RBFOX1: variants seen among roughly 807,000 people sequenced by gnomAD.
RBFOX1 encodes RNA binding protein fox-1 homolog 1.
A neutral mutation model predicts 57.7 loss-of-function variants in RBFOX1; 8 were observed. The ratio of observed to expected loss-of-function variants is 0.14; its 90% CI spans 0.08 to 0.25. RBFOX1 has a LOEUF of 0.25. RBFOX1 is among the 10% of genes least tolerant of loss of function. The probability of loss-of-function intolerance (pLI) is 1.00; values close to 1 mark genes in which losing one functional copy is unlikely to be tolerated. For missense variants in RBFOX1, 611 were observed against 548.5 expected, an observed-to-expected ratio of 1.11 and a Z score of -1.14; for synonymous variants, 326 against 222.4, an observed-to-expected ratio of 1.47 and a Z score of -4.15.
chr16:6,912,282 G>A (rs566233152), intron 3 of RBFOX1, among the ~76,000 whole-genome samples: 1 of 152,290 alleles, frequency 6.6e-6, no homozygotes, highest in African/African-American at 2.4e-5. Context: ...GAAGGTTGCT[G>A]TGCTCAGCCC....
intron 3 of RBFOX1, among the ~76,000 whole-genome samples, chr16:6,701,143 G>GTT (rs1236880855): frequency 1.3e-5 from 2 of 151,834 alleles, no homozygotes; most frequent in African/African-American, 2.4e-5. Flanking sequence ...GTATGTGTGT[G>GTT]TGTGTGTGTG....
intron 4 of RBFOX1, among the ~76,000 whole-genome samples, chr16:7,331,806 T>C (rs1361398182): frequency 6.6e-6 from 1 of 152,166 alleles, no homozygotes; most frequent in Non-Finnish European, 1.5e-5. Flanking sequence ...TATTAATTAA[T>C]ATATTAATTC....
chr16:5,837,511 A>G (rs1282056282), intron 3 of RBFOX1, among the ~76,000 whole-genome samples: 1 of 148,486 alleles, frequency 6.7e-6, no homozygotes, highest in Non-Finnish European at 1.5e-5. Context: ...AGACATTCCC[A>G]CTCCCAACCC....
chr16:7,218,362 A>G (rs1463405049), intron 4 of RBFOX1, among the ~76,000 whole-genome samples: 1 of 152,180 alleles, frequency 6.6e-6, no homozygotes, highest in Non-Finnish European at 1.5e-5. Flanking sequence ...CTTCTTCAGT[A>G]TGCTTCCTAT....
chr16:6,645,792 C>T (rs528410885), intron 2 of RBFOX1, among the ~76,000 whole-genome samples: 3 of 152,096 alleles, frequency 2.0e-5, no homozygotes, highest in Admixed American at 6.5e-5. Context: ...AAGACCCTGG[C>T]GTGTATTGGA....
At chr16:6,533,076 C>T (rs2096682222) in intron 2 of RBFOX1, among the ~76,000 whole-genome samples, 1 of 152,180 alleles carries the variant, frequency 6.6e-6, no homozygotes, top group South Asian at 2.1e-4. Context: ...GCACACTTGG[C>T]ATAGCCAGGA....
intron 3 of RBFOX1, among the ~76,000 whole-genome samples, chr16:6,856,142 C>G (rs527992205): frequency 1.3e-5 from 2 of 151,862 alleles, no homozygotes; most frequent in South Asian, 2.1e-4. Flanking sequence ...TTTACCTTCC[C>G]TTCCCTTTAC....
At chr16:6,494,858 A>C (rs2095721879) in intron 2 of RBFOX1, among the ~76,000 whole-genome samples, 2 of 152,230 alleles carry the variant, frequency 1.3e-5, no homozygotes, top group African/African-American at 4.8e-5. Context: ...CACTAAATGC[A>C]GAGAATAGCC....
At chr16:7,082,091 T>C (rs2059288683) in intron 4 of RBFOX1, among the ~76,000 whole-genome samples, 1 of 152,156 alleles carries the variant, frequency 6.6e-6, no homozygotes, top group Non-Finnish European at 1.5e-5. Context: ...ATTTGCAGGA[T>C]CTGGGAGAAC....
chr16:7,462,028 G>A (rs535299241), intron 4 of RBFOX1, among the ~76,000 whole-genome samples: 1 of 152,298 alleles, frequency 6.6e-6, no homozygotes, highest in Non-Finnish European at 1.5e-5. Flanking sequence ...ACGTGCCTGA[G>A]GACAGGCCAG....
At chr16:6,965,414 C>G (rs575927477) in intron 3 of RBFOX1, among the ~76,000 whole-genome samples, 3 of 151,774 alleles carry the variant, frequency 2.0e-5, no homozygotes, top group African/African-American at 7.2e-5. Context: ...GTGATCTCAG[C>G]TTACTGCAGC....
At chr16:6,722,382 A>T (rs1055766791) in intron 3 of RBFOX1, among the ~76,000 whole-genome samples, 1 of 152,186 alleles carries the variant, frequency 6.6e-6, no homozygotes, top group African/African-American at 2.4e-5. Context: ...GGTTGCTCTA[A>T]GTCATCTTGG....
At chr16:5,617,379 C>G (rs1399544900) in intron 3 of RBFOX1, among the ~76,000 whole-genome samples, 1 of 152,180 alleles carries the variant, frequency 6.6e-6, no homozygotes, top group Non-Finnish European at 1.5e-5. Context: ...TCAGTCTTCT[C>G]TGGTTCCCAT....
At chr16:6,558,812 CT>C (rs1237793169) in intron 2 of RBFOX1, among the ~76,000 whole-genome samples, 1 of 148,354 alleles carries the variant, frequency 6.7e-6, no homozygotes, top group Non-Finnish European at 1.5e-5. Flanking sequence ...CCCACTAGCT[CT>C]TGCCTTACCG....
chr16:7,298,494 C>G (rs562853017), intron 4 of RBFOX1, among the ~76,000 whole-genome samples: 4 of 151,980 alleles, frequency 2.6e-5, no homozygotes, highest in African/African-American at 9.6e-5. Context: ...GTTTCACCAT[C>G]TTGGCCAGTC....
In RBFOX1 at chr16:6,953,578, G is replaced by T. The variant is rs979612443; in HGVS notation, c.-15-98479G>T. Among the ~76,000 whole-genome samples the T allele has an allele frequency of 3.9e-5, 6 of 152,090 alleles. No homozygotes were observed. The South Asian group carries it at 6.2e-4, about 16-fold the overall frequency. ...TGTGTTGTATCTTTAGTAGAGATGG[G>T]GTTTTGCCATGTTGGCCAGCGTGGT... On this transcript the variant is annotated intron_variant, in intron 3 of 15. Transcript: ENST00000550418.
intron 3 of RBFOX1, among the ~76,000 whole-genome samples, chr16:6,746,244 C>T (rs1008554503): frequency 1.3e-5 from 2 of 151,690 alleles, no homozygotes; most frequent in African/African-American, 4.8e-5. Context: ...GCCTTTTTTT[C>T]AATAAAAACT....
intron 1 of RBFOX1, among the ~76,000 whole-genome samples, chr16:5,241,944 A>T (rs1277862003): frequency 2.0e-5 from 3 of 151,992 alleles, no homozygotes; most frequent in African/African-American, 7.2e-5. Context: ...CTACCAAAAA[A>T]AAAAATAATA....
intron 4 of RBFOX1, among the ~76,000 whole-genome samples, chr16:7,106,984 A>AACACACACACACACAC (rs61104403): frequency 3.4e-5 from 5 of 148,620 alleles, no homozygotes; most frequent in African/African-American, 1.2e-4. Context: ...ACACAGTTAA[A>AACACACACACACACAC]ACACACACAC....
Sources: allele counts gnomAD v4.1 joint callset (sites outside exome capture counted in the v4.1 genomes callset), GRCh38; gene constraint gnomAD v4.1.1; transcripts MANE v1.5; gene names NCBI Gene and HGNC (gene_info 2026-07-23, HGNC 2026-07-21).